LRP1B: variants seen among roughly 807,000 people sequenced by gnomAD.
LRP1B encodes LDL receptor related protein 1B.
LRP1B carries 217 observed loss-of-function variants against 556.6 expected under a neutral mutation model. That is an observed-to-expected ratio of 0.39 (90% confidence interval 0.35 to 0.44). The LOEUF (loss-of-function observed/expected upper bound fraction) is 0.44, where lower values mean the gene tolerates loss of function less well. Among genes scored for constraint, LRP1B ranks in the 20% least tolerant of loss-of-function variants. The probability of loss-of-function intolerance (pLI) is 1.00; values close to 1 mark genes in which losing one functional copy is unlikely to be tolerated. For missense variants in LRP1B, 5,053 were observed against 5,620.8 expected, an observed-to-expected ratio of 0.90 and a Z score of 3.23; for synonymous variants, 2,047 against 1,865.8, an observed-to-expected ratio of 1.10 and a Z score of -2.50.
At chr2:140,902,823 G>A (rs938320227) in intron 23 of LRP1B, 97 bp downstream of exon 23, 6 of 1,301,820 alleles carry the variant, frequency 4.6e-6, no homozygotes, top group South Asian at 2.8e-5. Context: ...TCTAAAATGA[G>A]TTGAATCCTT....
intron 1 of LRP1B, among the ~76,000 whole-genome samples, chr2:141,907,620 A>G (rs1271527220): frequency 6.6e-6 from 1 of 152,020 alleles, no homozygotes; most frequent in African/African-American, 2.4e-5. Flanking sequence ...GGGAGAGGCT[A>G]CATTTGGTTA....
chr2:141,770,057 ATTCGG>A (rs1694846801), intron 2 of LRP1B, among the ~76,000 whole-genome samples: 1 of 152,184 alleles, frequency 6.6e-6, no homozygotes, highest in South Asian at 2.1e-4. Flanking sequence ...CAAAAAGGAA[ATTCGG>A]TCCTAAAACA....
intron 6 of LRP1B, among the ~76,000 whole-genome samples, chr2:141,193,199 A>G (rs1441215843): frequency 6.6e-6 from 1 of 152,038 alleles, no homozygotes; most frequent in African/African-American, 2.4e-5. Context: ...CTAAAAGCAG[A>G]ACTACCATTT....
rs1379551562 is a variant in LRP1B, at chr2:140,378,305, C to A, written c.10532-19G>T. ...TGTGGCTCTGGGGATAAAAAAACAGCACAGGGTTATTCTATTATATGTAAG... is the reference window on the plus strand; with the variant it reads ...TGTGGCTCTGGGGATAAAAAAACAGAACAGGGTTATTCTATTATATGTAAG... On this transcript the variant is annotated intron_variant, in intron 67 of 90. Coordinates refer to ENST00000389484, the MANE Select transcript of LRP1B (RefSeq NM_018557.3). The A allele has an allele frequency of 7.4e-7, 1 of 1,345,994 alleles. No individual in the cohort carries two copies. 83.4% of individuals were successfully genotyped at this position (1,345,994 alleles called of 1,614,324 possible).
At chr2:140,828,138 CA>C (rs545843984) in intron 31 of LRP1B, among the ~76,000 whole-genome samples, 4 of 151,234 alleles carry the variant, frequency 2.6e-5, no homozygotes, top group African/African-American at 7.3e-5. Context: ...CTTCAATATG[CA>C]AAAAAAAGAT....
At chr2:141,721,928 T>C (rs1053793248) in intron 2 of LRP1B, among the ~76,000 whole-genome samples, 4 of 152,162 alleles carry the variant, frequency 2.6e-5, no homozygotes, top group Non-Finnish European at 4.4e-5. Context: ...AAACAGACCC[T>C]AGTAGGTTAA....
intron 6 of LRP1B, among the ~76,000 whole-genome samples, chr2:141,223,703 G>T (rs1396785413): frequency 6.6e-6 from 1 of 152,102 alleles, no homozygotes; most frequent in African/African-American, 2.4e-5. Flanking sequence ...CAGTGGAACA[G>T]AATAGAGAAC....
chr2:140,522,849 A>G (rs1690243597), intron 49 of LRP1B, among the ~76,000 whole-genome samples: 1 of 151,986 alleles, frequency 6.6e-6, no homozygotes, highest in Admixed American at 6.6e-5. Flanking sequence ...TAAGGAAGAC[A>G]TTGAAAACAT....
At chr2:140,865,886 C>A (rs1225889316) in intron 27 of LRP1B, among the ~76,000 whole-genome samples, 1 of 152,052 alleles carries the variant, frequency 6.6e-6, no homozygotes, top group Non-Finnish European at 1.5e-5. Context: ...TGTCTCGTTT[C>A]TTTCCTATAT....
intron 7 of LRP1B, among the ~76,000 whole-genome samples, chr2:141,153,129 T>G (rs1336271743): frequency 1.5e-4 from 22 of 147,478 alleles, no homozygotes; most frequent in Non-Finnish European, 6.0e-5. Flanking sequence ...AATTTGTAGA[T>G]TTCTTCCATT....
intron 1 of LRP1B, among the ~76,000 whole-genome samples, chr2:141,907,535 C>G (rs1414220823): frequency 2.0e-5 from 3 of 151,736 alleles, no homozygotes; most frequent in African/African-American, 7.3e-5. Context: ...GAGTAAGAAA[C>G]TAAATATTTA....
intron 1 of LRP1B, among the ~76,000 whole-genome samples, chr2:142,011,737 T>G (rs966719451): frequency 1.3e-5 from 2 of 152,228 alleles, no homozygotes; most frequent in African/African-American, 4.8e-5. Flanking sequence ...GGCTTACTAT[T>G]TGTCTTCATC....
intron 1 of LRP1B, among the ~76,000 whole-genome samples, chr2:141,838,105 T>C (rs546628221): frequency 3.7e-4 from 56 of 152,252 alleles, no homozygotes; most frequent in African/African-American, 1.3e-3. Flanking sequence ...ACACATTTAT[T>C]GGGTACCTAC....
At chr2:141,067,659 C>T (rs1302634707) in intron 7 of LRP1B, among the ~76,000 whole-genome samples, 7 of 151,922 alleles carry the variant, frequency 4.6e-5, no homozygotes, top group Non-Finnish European at 7.4e-5. Flanking sequence ...CAGCCCTATG[C>T]GCAGTAGCAT....
chr2:140,547,043 A>T (rs1053187077), intron 43 of LRP1B, among the ~76,000 whole-genome samples: 8 of 152,076 alleles, frequency 5.3e-5, no homozygotes, highest in Admixed American at 3.9e-4. Context: ...GTGCTGCTGG[A>T]TTCAGTTTGC....
chr2:141,082,574 T>C (rs1303094989), intron 7 of LRP1B, among the ~76,000 whole-genome samples: 1 of 152,228 alleles, frequency 6.6e-6, no homozygotes, highest in African/African-American at 2.4e-5. Context: ...CATGTAACTC[T>C]TATCGTGGAG....
chr2:140,527,522 A>G (rs1004338016), intron 47 of LRP1B, among the ~76,000 whole-genome samples: 1 of 151,944 alleles, frequency 6.6e-6, no homozygotes, highest in Non-Finnish European at 1.5e-5. Flanking sequence ...GTATCTCAAA[A>G]TTGCATACTT....
chr2:141,788,443 G>A (rs2105655459), intron 2 of LRP1B, among the ~76,000 whole-genome samples: 1 of 152,088 alleles, frequency 6.6e-6, no homozygotes, highest in African/African-American at 2.4e-5. Flanking sequence ...TAGAAGCTGT[G>A]TAAAATATTG....
At chr2:140,653,415 T>C (rs896455539) in intron 41 of LRP1B, among the ~76,000 whole-genome samples, 3 of 151,860 alleles carry the variant, frequency 2.0e-5, no homozygotes, top group Non-Finnish European at 2.9e-5. Context: ...AAAGAGATAA[T>C]TGTTGAATCC....
Sources: allele counts gnomAD v4.1 joint callset (sites outside exome capture counted in the v4.1 genomes callset), GRCh38; gene constraint gnomAD v4.1.1; transcripts MANE v1.5; gene names NCBI Gene and HGNC (gene_info 2026-07-23, HGNC 2026-07-21).